The following GREM2 variants were observed in gnomAD, a reference collection of about 807,000 sequenced individuals.
The protein encoded by GREM2 is gremlin 2, DAN family BMP antagonist, also known as gremlin-2.
GREM2 carries 11 observed loss-of-function variants against 14.2 expected under a neutral mutation model. The ratio of observed to expected loss-of-function variants is 0.78; its 90% CI spans 0.49 to 1.28. The LOEUF (loss-of-function observed/expected upper bound fraction) is 1.28, where lower values mean the gene tolerates loss of function less well. GREM2 is among the 50% of genes most tolerant of loss of function. The pLI, the probability that GREM2 is intolerant of heterozygous loss-of-function variation, is 0.00. For synonymous variants in GREM2, 98 were observed against 97.6 expected (o/e 1.00, Z -0.02); for missense variants, 210 against 218.5 (o/e 0.96, Z 0.24).
chr1:240,591,078 C>T (rs983356196), intron 1 of GREM2, among the ~76,000 whole-genome samples: 8 of 152,220 alleles, frequency 5.3e-5, no homozygotes, highest in South Asian at 4.1e-4. Flanking sequence ...CCATGCCCAG[C>T]CAGAAATGAC....
intron 1 of GREM2, among the ~76,000 whole-genome samples, chr1:240,560,463 G>C (rs1679018099): frequency 6.6e-6 from 1 of 152,018 alleles, no homozygotes; most frequent in Non-Finnish European, 1.5e-5. Context: ...CTCACTTTTT[G>C]TTTCTTTAGG....
chr1:240,541,578 T>C (rs1678589313), intron 1 of GREM2, among the ~76,000 whole-genome samples: 1 of 152,192 alleles, frequency 6.6e-6, no homozygotes. Flanking sequence ...ATGTTTCCCT[T>C]GATGGATCAA....
intron 1 of GREM2, among the ~76,000 whole-genome samples, chr1:240,585,729 CAAAAAAAAAAAAAA>C (rs370321961): frequency 0.099 from 6,762 of 68,064 alleles, 598 homozygotes; most frequent in African/African-American, 0.26. Context: ...GACTCCATCT[CAAAAAAAAAAAAAA>C]AAAAAAAAAA....
chr1:240,528,186 G>A (rs1048737558), intron 1 of GREM2, among the ~76,000 whole-genome samples: 1 of 152,168 alleles, frequency 6.6e-6, no homozygotes, highest in Admixed American at 6.5e-5. Flanking sequence ...AGAAGTTTGA[G>A]CTCCATTTAA....
rs1378873901 is a variant in GREM2 at position 240,540,820 on chromosome 1, C to A, written c.-1-47344G>T. Among the ~76,000 whole-genome samples, 1 of 152,124 alleles carries A rather than the reference C, an allele frequency of 6.6e-6. No homozygotes were observed. The highest frequency in any genetic ancestry group is 1.9e-4 in the East Asian group (1 of 5,172). On this transcript the variant is annotated intron_variant, in intron 1 of 1. Coordinates refer to ENST00000318160, the MANE Select transcript of GREM2 (RefSeq NM_022469.4). The surrounding 1 kb of genome is among the most constrained non-coding windows in gnomAD (Gnocchi z 4.2). ...TCGTGATCTGCCTGCCTCGGCCTCC[C>A]AAAGTGCTGGGATTACAGGTGTGAG...
intron 1 of GREM2, among the ~76,000 whole-genome samples, chr1:240,510,186 G>A (rs11809319): frequency 0.19 from 28,675 of 151,674 alleles, 2,820 homozygotes; most frequent in Middle Eastern, 0.21. Flanking sequence ...TGGCTAACAC[G>A]GTGAAACCCC....
intron 1 of GREM2, among the ~76,000 whole-genome samples, chr1:240,537,582 C>G (rs1678500797): frequency 1.3e-5 from 2 of 152,084 alleles, no homozygotes; most frequent in Non-Finnish European, 2.9e-5. Flanking sequence ...GTCAAGAGAT[C>G]AAGACCATCC....
At position 240,492,083 on chromosome 1, in the gene GREM2, G is replaced by A. The variant is rs558397912; in HGVS notation, c.*886C>T. 114 of 237,528 alleles carry A rather than the reference G, an allele frequency of 4.8e-4. No individual in the cohort carries two copies. The highest frequency in any genetic ancestry group is 2.0e-3 in the African/African-American group (88 of 44,800). 14.7% of individuals were successfully genotyped at this position (237,528 alleles called of 1,614,324 possible). Reference sequence around the variant, plus strand: ...ACTCCGAATGGTGCTGCAAGCCAGAGTCAAAACATGTGAAATAATACATGA... The same window carrying A: ...ACTCCGAATGGTGCTGCAAGCCAGAATCAAAACATGTGAAATAATACATGA... On this transcript the variant is annotated 3_prime_UTR_variant, in exon 2 of 2. Transcript: ENST00000318160.
intron 1 of GREM2, among the ~76,000 whole-genome samples, chr1:240,528,712 A>G (rs1572383910): frequency 6.6e-6 from 1 of 151,918 alleles, no homozygotes; most frequent in Non-Finnish European, 1.5e-5. Context: ...AGGTCCAAGC[A>G]CTCTGGCTTC....
At chr1:240,545,056 GT>G (rs558086080) in intron 1 of GREM2, among the ~76,000 whole-genome samples, 138 of 152,308 alleles carry the variant, frequency 9.1e-4, no homozygotes, top group African/African-American at 3.2e-3. Context: ...GGATCTTTTT[GT>G]CTGCTGATGT....
In GREM2 at chr1:240,523,555, T is replaced by G. The variant is rs544517746; in HGVS notation, c.-1-30079A>C. Among the ~76,000 whole-genome samples, 44 of 152,310 alleles carry G rather than the reference T, an allele frequency of 2.9e-4. 1 individual carries two copies. The highest frequency in any genetic ancestry group is 1.9e-3 in the Admixed American group (29 of 15,302). Reference sequence around the variant, plus strand: ...ACAAGGAGTGTTCTCACTGTTTTTTTTTGTTGTTGTTGTTTTGGAGCTGCA... The same window carrying G: ...ACAAGGAGTGTTCTCACTGTTTTTTGTTGTTGTTGTTGTTTTGGAGCTGCA... On this transcript the variant is annotated intron_variant, in intron 1 of 1. Transcript: ENST00000318160.
chr1:240,604,146 A>T (rs1008355858), intron 1 of GREM2, among the ~76,000 whole-genome samples: 1 of 151,782 alleles, frequency 6.6e-6, no homozygotes, highest in African/African-American at 2.4e-5. Context: ...GGGAGAACCC[A>T]CTCATTACCG....
intron 1 of GREM2, among the ~76,000 whole-genome samples, chr1:240,522,158 A>G (rs1195786698): frequency 6.6e-6 from 1 of 151,876 alleles, no homozygotes; most frequent in African/African-American, 2.4e-5. Flanking sequence ...AACAAAAAAA[A>G]CTAAGACAAT....
chr1:240,590,558 TA>T (rs1679688945), intron 1 of GREM2, among the ~76,000 whole-genome samples: 4 of 150,966 alleles, frequency 2.6e-5, no homozygotes, highest in African/African-American at 9.7e-5. Flanking sequence ...GCCTTCTGAG[TA>T]GCTGGGATTA....
chr1:240,500,559 C>A (rs1677549257), intron 1 of GREM2, among the ~76,000 whole-genome samples: 1 of 152,162 alleles, frequency 6.6e-6, no homozygotes, highest in South Asian at 2.1e-4. Flanking sequence ...TTCGCCTTGG[C>A]CTCCCAAAGT....
chr1:240,599,127 G>A (rs1679871988), intron 1 of GREM2, among the ~76,000 whole-genome samples: 1 of 152,096 alleles, frequency 6.6e-6, no homozygotes, highest in African/African-American at 2.4e-5. Context: ...AATTAGCCTG[G>A]TGTGGTGGTG....
chr1:240,521,427 C>T (rs1028738756), intron 1 of GREM2, among the ~76,000 whole-genome samples: 7 of 151,288 alleles, frequency 4.6e-5, no homozygotes, highest in Admixed American at 6.6e-5. Context: ...AACAATTAGC[C>T]GGGCATGGTG....
intron 1 of GREM2, among the ~76,000 whole-genome samples, chr1:240,568,430 G>T (rs539038774): frequency 6.6e-6 from 1 of 151,912 alleles, no homozygotes; most frequent in Non-Finnish European, 1.5e-5. Context: ...ACAAAGAAGC[G>T]ACTGGAAAAA....
intron 1 of GREM2, among the ~76,000 whole-genome samples, chr1:240,522,222 A>T (rs1372629369): frequency 1.3e-5 from 2 of 152,124 alleles, no homozygotes; most frequent in Non-Finnish European, 2.9e-5. Context: ...GAAAAAAGGG[A>T]TTATACTGAA....
Sources: allele counts gnomAD v4.1 joint callset (sites outside exome capture counted in the v4.1 genomes callset), GRCh38; gene constraint gnomAD v4.1.1; non-coding constraint Gnocchi (gnomAD v3.1); transcripts MANE v1.5; gene names NCBI Gene and HGNC (gene_info 2026-07-23, HGNC 2026-07-21).